Variants in TBL1XR1 observed in about 807,000 individuals in gnomAD.
TBL1XR1 encodes the protein F-box-like/WD repeat-containing protein TBL1XR1.
In TBL1XR1, 5 loss-of-function variants were observed where a neutral mutation model predicts 66.9. The ratio of observed to expected loss-of-function variants is 0.07; its 90% CI spans 0.04 to 0.16. The LOEUF is 0.16. Ranked by LOEUF, TBL1XR1 falls within the 10% of genes least tolerant of loss-of-function variation. The pLI, the probability that TBL1XR1 is intolerant of heterozygous loss-of-function variation, is 1.00. For missense variants in TBL1XR1, 238 were observed against 623.2 expected, an observed-to-expected ratio of 0.38 and a Z score of 6.58; for synonymous variants, 210 against 206.0, an observed-to-expected ratio of 1.02 and a Z score of -0.17.
chr3:177,187,320 G>A (rs942469524), intron 1 of TBL1XR1, among the ~76,000 whole-genome samples: 5 of 151,600 alleles, frequency 3.3e-5, no homozygotes, highest in East Asian at 3.9e-4. Context: ...GCTTGAACCC[G>A]GGAGGCAGAG....
intron 1 of TBL1XR1, among the ~76,000 whole-genome samples, chr3:177,137,610 C>G (rs952205401): frequency 2.0e-5 from 3 of 152,184 alleles, no homozygotes; most frequent in Admixed American, 2.0e-4. Flanking sequence ...TCAAGGCAGA[C>G]AAATGTATCT....
At chr3:177,049,474 A>T (rs1049635777) in intron 7 of TBL1XR1, among the ~76,000 whole-genome samples, 6 of 152,222 alleles carry the variant, frequency 3.9e-5, no homozygotes, top group Admixed American at 6.5e-5. Flanking sequence ...GAATTACAAG[A>T]TTCCTACAGT....
At chr3:177,079,603 G>A (rs1343949885) in intron 2 of TBL1XR1, 1 of 151,774 alleles carries the variant, frequency 6.6e-6, no homozygotes, top group African/African-American at 2.4e-5. Context: ...GTCATCATTG[G>A]TAAGAAATCC....
intron 1 of TBL1XR1, among the ~76,000 whole-genome samples, chr3:177,183,068 C>CA (rs1327898445): frequency 6.6e-6 from 1 of 152,102 alleles, no homozygotes; most frequent in Non-Finnish European, 1.5e-5. Flanking sequence ...ACCATAACTT[C>CA]AGAATCCTCA....
chr3:177,162,494 A>G (rs904133627), intron 1 of TBL1XR1, among the ~76,000 whole-genome samples: 1 of 152,226 alleles, frequency 6.6e-6, no homozygotes, highest in Non-Finnish European at 1.5e-5. Context: ...AAATTAGAAA[A>G]CTGATTGTCT....
rs531808605 is a variant in TBL1XR1, at chr3:177,123,179, G to GT, written c.-121-24639dup. ...AAAAGAAAATCTTGATTAGTATATT[G>GT]TAATAGTTTTTTTAAAAATGTACAG... On this transcript the variant is annotated intron_variant, in intron 1 of 15. Transcript: ENST00000457928. Among the ~76,000 whole-genome samples, 67 of 152,126 alleles carry GT rather than the reference G, an allele frequency of 4.4e-4. No homozygotes were observed. The Middle Eastern group carries it at 0.014, about 31-fold the overall frequency.
intron 1 of TBL1XR1, among the ~76,000 whole-genome samples, chr3:177,186,665 T>C (rs1204019767): frequency 6.6e-6 from 1 of 152,230 alleles, no homozygotes; most frequent in Non-Finnish European, 1.5e-5. Flanking sequence ...ATACCCCATC[T>C]GGCAAGGTGT....
chr3:177,142,217 A>T (rs1315497414), intron 1 of TBL1XR1, among the ~76,000 whole-genome samples: 3 of 152,178 alleles, frequency 2.0e-5, no homozygotes, highest in African/African-American at 7.2e-5. Flanking sequence ...GTGGTGTTTG[A>T]CAGCAATTTT....
At chr3:177,054,483 T>C (rs1439150846) in intron 3 of TBL1XR1, among the ~76,000 whole-genome samples, 2 of 152,200 alleles carry the variant, frequency 1.3e-5, no homozygotes, top group East Asian at 3.8e-4. Flanking sequence ...ATTTACTTCA[T>C]GTAATTGTTA....
chr3:177,040,247 C>T (rs1353019512), intron 10 of TBL1XR1, among the ~76,000 whole-genome samples: 2 of 151,996 alleles, frequency 1.3e-5, no homozygotes, highest in South Asian at 2.1e-4. Flanking sequence ...CTGGGGAGGC[C>T]GAGGCTGCAG....
intron 1 of TBL1XR1, among the ~76,000 whole-genome samples, chr3:177,143,132 A>G (rs1318202907): frequency 2.0e-5 from 3 of 151,632 alleles, no homozygotes; most frequent in African/African-American, 7.3e-5. Flanking sequence ...CTTTGTTCAT[A>G]TGAGTTTTAG....
intron 1 of TBL1XR1, among the ~76,000 whole-genome samples, chr3:177,155,516 G>C (rs1387346207): frequency 6.6e-6 from 1 of 152,142 alleles, no homozygotes; most frequent in African/African-American, 2.4e-5. Context: ...AACAAAAGGT[G>C]TATGAATTTA....
intron 1 of TBL1XR1, among the ~76,000 whole-genome samples, chr3:177,134,872 A>G (rs566416026): frequency 6.6e-6 from 1 of 152,160 alleles, no homozygotes; most frequent in African/African-American, 2.4e-5. Flanking sequence ...TAACGGGTAT[A>G]CAGTAAAAAT....
intron 1 of TBL1XR1, among the ~76,000 whole-genome samples, chr3:177,149,466 T>G (rs1162727901): frequency 6.6e-6 from 1 of 152,136 alleles, no homozygotes; most frequent in Non-Finnish European, 1.5e-5. Flanking sequence ...TCATTTTACA[T>G]ATAAGAAAAC....
At chr3:177,092,346 CA>C (rs1172189301) in intron 2 of TBL1XR1, among the ~76,000 whole-genome samples, 1 of 151,910 alleles carries the variant, frequency 6.6e-6, no homozygotes, top group Non-Finnish European at 1.5e-5. Flanking sequence ...CTATAACCAC[CA>C]ATTTACAGAA....
At chr3:177,111,403 G>C (rs1407422491) in intron 1 of TBL1XR1, among the ~76,000 whole-genome samples, 1 of 151,932 alleles carries the variant, frequency 6.6e-6, no homozygotes, top group Non-Finnish European at 1.5e-5. Flanking sequence ...CTCCCGAGTA[G>C]CTGGGACTAC....
At chr3:177,170,053 C>T (rs1034207817) in intron 1 of TBL1XR1, among the ~76,000 whole-genome samples, 1 of 152,144 alleles carries the variant, frequency 6.6e-6, no homozygotes, top group African/African-American at 2.4e-5. Context: ...AATCTGAGAA[C>T]CACTATTCCA....
At chr3:177,198,472 C>G (rs1737213060), upstream of TBL1XR1, among the ~76,000 whole-genome samples, 1 of 152,150 alleles carries the variant, frequency 6.6e-6, no homozygotes, top group Admixed American at 6.5e-5. Context: ...TGAAGCACAG[C>G]AAGGCGGTTT....
At chr3:177,139,024 C>T (rs1729317614) in intron 1 of TBL1XR1, among the ~76,000 whole-genome samples, 1 of 152,120 alleles carries the variant, frequency 6.6e-6, no homozygotes, top group Non-Finnish European at 1.5e-5. Context: ...CTTTAACTAA[C>T]AATACTAACC....
Sources: gnomAD v4.1 joint callset for allele counts (sites outside exome capture counted in the v4.1 genomes callset) on GRCh38, gnomAD v4.1.1 for gene constraint, MANE v1.5 for transcripts, NCBI Gene and HGNC (gene_info 2026-07-23, HGNC 2026-07-21) for gene names.